SNAPC4: variants seen among roughly 807,000 people sequenced by gnomAD.
SNAPC4 encodes small nuclear RNA activating complex polypeptide 4, also known as snRNA-activating protein complex subunit 4.
A neutral mutation model predicts 151.3 loss-of-function variants in SNAPC4; 127 were observed. The ratio of observed to expected loss-of-function variants is 0.84; its 90% CI spans 0.73 to 0.97. SNAPC4 has a LOEUF of 0.97. Ranked by LOEUF, SNAPC4 falls within the 50% of genes least tolerant of loss-of-function variation. The probability of loss-of-function intolerance (pLI) is 0.00; values close to 1 mark genes in which losing one functional copy is unlikely to be tolerated. For missense variants in SNAPC4, 2,186 were observed against 1,935.0 expected (o/e 1.13, Z -2.43); for synonymous variants, 1,002 against 824.4 (o/e 1.22, Z -3.69).
chr9:136,390,442 C>G (rs1029554539), intron 10 of SNAPC4, among the ~76,000 whole-genome samples: 1 of 148,586 alleles, frequency 6.7e-6, no homozygotes, highest in African/African-American at 2.5e-5. Flanking sequence ...GTAGTCCCAG[C>G]TACTCGGGAG....
At chr9:136,390,593 C>G (rs1198913646) in intron 10 of SNAPC4, among the ~76,000 whole-genome samples, 1 of 143,164 alleles carries the variant, frequency 7.0e-6, no homozygotes, top group East Asian at 2.0e-4. Context: ...AGAAAAAGAG[C>G]TAATGAGCTA....
At chr9:136,399,088 A>T (rs1444173324) in intron 1 of SNAPC4, among the ~76,000 whole-genome samples, 4 of 152,244 alleles carry the variant, frequency 2.6e-5, no homozygotes, top group African/African-American at 9.6e-5. Flanking sequence ...TGGTCCAGGA[A>T]GTCTGAAGGG....
In SNAPC4 at chr9:136,382,074, C is replaced by T. The variant is rs372132589; in HGVS notation, c.2068-1G>A. 1.9e-6 allele frequency: 3 copies of T among 1,581,258 alleles called. No individual in the cohort carries two copies. Among genetic ancestry groups the T allele is most frequent in the Non-Finnish European group, 1.7e-6 (2 of 1,163,610 alleles). On this transcript the variant is annotated splice_acceptor_variant, in intron 17 of 23. Coordinates refer to ENST00000684778, the MANE Select transcript of SNAPC4 (RefSeq NM_003086.4). LOFTEE classifies it high-confidence loss of function. ...GGGGTGGCTGCCTCAGCTGCTCTTT[C>T]TGTAAGGAGAAGGCAGCACCTGGGG... is the stretch of plus-strand genomic sequence containing the variant.
chr9:136,383,089 C>T lies in SNAPC4; in HGVS notation c.1983+97G>A. 6.9e-7 allele frequency: 1 copy of T among 1,458,554 alleles called. No individual in the cohort carries two copies. The highest frequency in any genetic ancestry group is 1.4e-5 in the South Asian group (1 of 69,178). The allele number at this position is 1,458,554 out of a possible 1,614,324, so 90.4% of individuals were successfully genotyped here. ...GTAGCACGTTCTGATGCACACGAAC[C>T]CTGGGGCCCCTGCTGCTGCACTATC... On this transcript the variant is annotated intron_variant, in intron 16 of 23. Coordinates refer to ENST00000684778, the MANE Select transcript of SNAPC4 (RefSeq NM_003086.4). This position sits in a 1 kb window ranked among gnomAD's most constrained non-coding sequence, Gnocchi z 4.2.
intron 5 of SNAPC4, 79 bp downstream of exon 5, chr9:136,395,219 C>T (rs1346592755): frequency 2.0e-5 from 30 of 1,534,418 alleles, no homozygotes; most frequent in Non-Finnish European, 2.6e-5. Context: ...TTCACGACTC[C>T]CTGCAGCAGG....
At position 136,383,624 on chromosome 9, in the gene SNAPC4, G is replaced by A. The variant is rs367583770; in HGVS notation, c.1545C>T (p.Ser515=). ...TGCTGCTGGTAGAGCTCCACCGGAC[G>A]CTGTGACGGGCCCTCCGCCGCCGCC... ...LRRRRRRARH[S]VRWSSTSSSG... Residue 515 remains serine (S), a synonymous_variant, in exon 16 of 24, where the codon AGC becomes AGT. Coordinates refer to ENST00000684778, the MANE Select transcript of SNAPC4 (RefSeq NM_003086.4). This position sits in a 1 kb window ranked among gnomAD's most constrained non-coding sequence, Gnocchi z 4.2. The A allele has an allele frequency of 2.3e-5, 37 of 1,611,000 alleles. No homozygotes were observed. In the East Asian group the frequency reaches 3.8e-4, roughly 17 times the overall value.
At chr9:136,390,293 C>T (rs1377132526) in intron 10 of SNAPC4, among the ~76,000 whole-genome samples, 5 of 152,122 alleles carry the variant, frequency 3.3e-5, no homozygotes, top group South Asian at 4.1e-4. Flanking sequence ...CGGTGGCTCA[C>T]GTCTGTAATC....
chr9:136,399,292 G>A (rs1028537228), intron 1 of SNAPC4, among the ~76,000 whole-genome samples: 1 of 152,172 alleles, frequency 6.6e-6, no homozygotes, highest in Non-Finnish European at 1.5e-5. Flanking sequence ...GCATCCACCC[G>A]CGAGCACCGT....
intron 10 of SNAPC4, among the ~76,000 whole-genome samples, chr9:136,388,948 C>A (rs1448086753): frequency 6.6e-6 from 1 of 152,268 alleles, no homozygotes; most frequent in Non-Finnish European, 1.5e-5. Context: ...CACTGCTCTG[C>A]ATGTGGCATG....
chr9:136,393,687 A>G (rs1405714014), intron 7 of SNAPC4, among the ~76,000 whole-genome samples: 2 of 151,436 alleles, frequency 1.3e-5, no homozygotes, highest in Non-Finnish European at 2.9e-5. Flanking sequence ...GTGTGGACCG[A>G]CCCCGCGCCC....
At chr9:136,399,551 A>T (rs1834383704) in intron 1 of SNAPC4, among the ~76,000 whole-genome samples, 1 of 152,032 alleles carries the variant, frequency 6.6e-6, no homozygotes, top group South Asian at 2.1e-4. Context: ...TCAAAGTCAC[A>T]CGTGCTGAGC....
At position 136,387,731 on chromosome 9, in the gene SNAPC4, C is replaced by T. The variant is rs373323819; in HGVS notation, c.1230+11G>A. ...CCAGAGCCCAGTTCTCCTAGGGTCC[C>T]GCACACTTACAGCATCTTCCTCCGG... On this transcript the variant is annotated intron_variant, in intron 12 of 23. Transcript: ENST00000684778. 43 of 1,563,284 alleles carry T rather than the reference C, an allele frequency of 2.8e-5. No homozygotes were observed. The highest frequency in any genetic ancestry group is 5.4e-5 in the African/African-American group (4 of 73,894).
chr9:136,386,999 C>A (rs908322563), intron 13 of SNAPC4, among the ~76,000 whole-genome samples: 20 of 152,256 alleles, frequency 1.3e-4, no homozygotes, highest in African/African-American at 4.8e-4. Flanking sequence ...CCTGCCTTGA[C>A]CTCCCAAAGT....
At chr9:136,387,226 T>A (rs377014325) in intron 13 of SNAPC4, among the ~76,000 whole-genome samples, 6 of 152,198 alleles carry the variant, frequency 3.9e-5, no homozygotes, top group African/African-American at 1.4e-4. Flanking sequence ...CCCAGGGAGC[T>A]GTCTCAAGTG....
At chr9:136,394,464 C>T (rs1018797159) in intron 6 of SNAPC4, 134 bp from the exon 7 acceptor site, 9 of 766,014 alleles carry the variant, frequency 1.2e-5, no homozygotes, top group East Asian at 1.0e-4. Context: ...GACCTACTGA[C>T]GTGGCCCCTC....
Position 136,377,782 on chromosome 9 carries a change from CCA to C in SNAPC4, c.4043_4044del (p.Leu1348ArgfsTer51), listed in dbSNP as rs780859564. The C allele has an allele frequency of 4.3e-6, 7 of 1,611,934 alleles. No individual in the cohort carries two copies. The East Asian group carries it at 6.7e-5, about 15-fold the overall frequency. ...ERPAGALQAS[L>X]GLVRGQLQDN... ...TCCTGGAGCTGCCCCCGCACCAGCCCCAGTGAGGCTTGCAGTGCTCCGGCCGG... is the reference window on the plus strand; with the variant it reads ...TCCTGGAGCTGCCCCCGCACCAGCCCGTGAGGCTTGCAGTGCTCCGGCCGG... On this transcript the variant is annotated frameshift_variant, in exon 22 of 24. Coordinates refer to ENST00000684778, the MANE Select transcript of SNAPC4 (RefSeq NM_003086.4). LOFTEE classifies it high-confidence loss of function.
chr9:136,377,985 G>A lies in SNAPC4; in HGVS notation c.3842C>T (p.Ala1281Val). ...LGLLSQEGEA[A>V]TQQWLGGQRG... ...CTGGCCCCCCAGCCACTGCTGTGTGGCCGCCTCGCCCTCCTGGGACAGCAG... is the reference window on the plus strand; with the variant it reads ...CTGGCCCCCCAGCCACTGCTGTGTGACCGCCTCGCCCTCCTGGGACAGCAG... Residue 1281 changes from alanine to valine, a missense_variant, in exon 22 of 24, where the codon GCC (alanine) becomes GTC (valine). Coordinates refer to ENST00000684778, the MANE Select transcript of SNAPC4 (RefSeq NM_003086.4). 1 of 1,602,906 alleles carries A rather than the reference G, an allele frequency of 6.2e-7. No homozygotes were observed. The highest frequency in any genetic ancestry group is 1.1e-5 in the South Asian group (1 of 90,420).
rs749431755 is a variant in SNAPC4, at chr9:136,384,832, A to T, written c.1326-18T>A. On this transcript the variant is annotated intron_variant, in intron 13 of 23. Transcript: ENST00000684778. ...TGAGATACCTGAACGTGACATGAAA[A>T]GCAAAGAACGTTTTAGATGCCGAGA... The T allele has an allele frequency of 1.4e-6, 2 of 1,476,106 alleles. No individual in the cohort carries two copies. The highest frequency in any genetic ancestry group is 9.3e-7 in the Non-Finnish European group (1 of 1,076,618). 91.4% of individuals were successfully genotyped at this position (1,476,106 alleles called of 1,614,324 possible).
At chr9:136,396,854 C>T (rs774031146) in intron 3 of SNAPC4, 123 bp downstream of exon 3, 17 of 782,646 alleles carry the variant, frequency 2.2e-5, no homozygotes, top group Admixed American at 4.0e-5. Flanking sequence ...TTATAACAAA[C>T]GTGAATCATT....
Sources: gnomAD v4.1 joint callset for allele counts (sites outside exome capture counted in the v4.1 genomes callset) on GRCh38, gnomAD v4.1.1 for gene constraint, Gnocchi (gnomAD v3.1) non-coding constraint, MANE v1.5 for transcripts, NCBI Gene and HGNC (gene_info 2026-07-23, HGNC 2026-07-21) for gene names.